Variants in B3GALNT2 observed in about 807,000 individuals in gnomAD.
The protein encoded by B3GALNT2 is beta-1,3-N-acetylgalactosaminyltransferase 2, also known as UDP-GalNAc:beta-1,3-N-acetylgalactosaminyltransferase 2.
In B3GALNT2, 53 loss-of-function variants were observed where a neutral mutation model predicts 61.1. That is an observed-to-expected ratio of 0.87 (90% CI 0.70 to 1.09). The LOEUF (loss-of-function observed/expected upper bound fraction) is 1.09, where lower values mean the gene tolerates loss of function less well. B3GALNT2 is among the 50% of genes least tolerant of loss of function. The probability of loss-of-function intolerance (pLI) is 0.00; values close to 1 mark genes in which losing one functional copy is unlikely to be tolerated. For missense variants in B3GALNT2, 544 were observed against 623.0 expected, an observed-to-expected ratio of 0.87 and a Z score of 1.35; for synonymous variants, 223 against 237.4, an observed-to-expected ratio of 0.94 and a Z score of 0.56.
chr1:235,463,782 T>C (rs1209709936), intron 7 of B3GALNT2: 1 of 152,110 alleles, frequency 6.6e-6, no homozygotes, highest in Non-Finnish European at 1.5e-5. Flanking sequence ...TTGGTCAGGC[T>C]GGTCTCGAAC....
Position 235,448,580 on chromosome 1 carries a change from C to A in B3GALNT2, c.*1626G>T. On this transcript the variant is annotated 3_prime_UTR_variant, in exon 12 of 12. Transcript: ENST00000366600. ...GTTTGATTTTAAGGGTAAGCTACTG[C>A]CTGGGGACGGGGTGGGGGAAGAGTA... 1 of 1,378,006 alleles carries A rather than the reference C, an allele frequency of 7.3e-7. No individual in the cohort carries two copies. The highest frequency in any genetic ancestry group is 1.2e-5 in the South Asian group (1 of 86,296). 85.4% of individuals were successfully genotyped at this position (1,378,006 alleles called of 1,614,324 possible).
intron 5 of B3GALNT2, among the ~76,000 whole-genome samples, chr1:235,472,646 C>G (rs1310232941): frequency 6.6e-6 from 1 of 152,174 alleles, no homozygotes; most frequent in Non-Finnish European, 1.5e-5. Context: ...ACATGACTGA[C>G]AACTCAAAAT....
chr1:235,450,063 G>T lies in B3GALNT2; in HGVS notation c.*143C>A. 1.1e-6 allele frequency: 1 copy of T among 940,774 alleles called. No individual in the cohort carries two copies. The allele number at this position is 940,774 out of a possible 1,614,324, so 58.3% of individuals were successfully genotyped here. On this transcript the variant is annotated 3_prime_UTR_variant, in exon 12 of 12. Transcript: ENST00000366600. Reference sequence around the variant, plus strand: ...ATTTGTGCAAACATTAAGAAACACCGCATTGGTTCTGGGTGAAAGTGCCAG... The same window carrying T: ...ATTTGTGCAAACATTAAGAAACACCTCATTGGTTCTGGGTGAAAGTGCCAG...
chr1:235,492,989 G>A (rs866098631), intron 2 of B3GALNT2, among the ~76,000 whole-genome samples: 1 of 152,122 alleles, frequency 6.6e-6, no homozygotes, highest in Admixed American at 6.5e-5. Context: ...TCAATGGAGG[G>A]GTATGAATAG....
intron 1 of B3GALNT2, among the ~76,000 whole-genome samples, chr1:235,503,548 C>G (rs1297140608): frequency 6.6e-6 from 1 of 152,226 alleles, no homozygotes; most frequent in South Asian, 2.1e-4. Flanking sequence ...GGAACAACTC[C>G]AACTCTCGGC....
At chr1:235,454,938 C>T (rs1683094702) in intron 9 of B3GALNT2, among the ~76,000 whole-genome samples, 1 of 152,128 alleles carries the variant, frequency 6.6e-6, no homozygotes, top group Non-Finnish European at 1.5e-5. Context: ...CCTGAGGAAG[C>T]ACAGAAAATG....
intron 7 of B3GALNT2, among the ~76,000 whole-genome samples, chr1:235,461,515 T>G (rs1027490424): frequency 3.0e-5 from 4 of 132,770 alleles, no homozygotes; most frequent in African/African-American, 1.1e-4. Context: ...CTGTTTTTTT[T>G]TTTTTTTTTT....
rs1288455773 is a variant in B3GALNT2, at chr1:235,474,973, ATATATATATATATATTTTTTTT to A, written c.652-4035_652-4014del. On this transcript the variant is annotated intron_variant, in intron 5 of 11. Transcript: ENST00000366600. The stretch of plus-strand genomic sequence containing the variant: ...GACATATATATATATATATATATAT[ATATATATATATATATTTTTTTT>A]TTTTTTTTTTTTTTTGAGACGGAGT... Among the ~76,000 whole-genome samples the A allele has an allele frequency of 7.4e-4, 22 of 29,770 alleles. 1 individual carries two copies. Among genetic ancestry groups the A allele is most frequent in the African/African-American group, 3.3e-3 (21 of 6,352 alleles). The allele number at this position is 29,770 out of a possible 152,430, so 19.5% of individuals were successfully genotyped here. A position where few individuals can be genotyped will look rare whatever the true frequency, so the allele number is the denominator to read the frequency against.
intron 3 of B3GALNT2, among the ~76,000 whole-genome samples, chr1:235,486,074 G>C (rs1003880438): frequency 5.1e-5 from 7 of 138,494 alleles, no homozygotes; most frequent in Non-Finnish European, 1.1e-4. Flanking sequence ...CTGGGCAACA[G>C]AGCAAGACCC....
intron 1 of B3GALNT2, among the ~76,000 whole-genome samples, chr1:235,497,085 A>G (rs1685362391): frequency 6.6e-6 from 1 of 152,058 alleles, no homozygotes; most frequent in Non-Finnish European, 1.5e-5. Flanking sequence ...TAACACATCA[A>G]TTTTTTTTAA....
intron 1 of B3GALNT2, 94 bp from the exon 2 acceptor site, chr1:235,494,922 T>C: frequency 1.6e-6 from 2 of 1,223,752 alleles, no homozygotes; most frequent in Admixed American, 3.1e-5. Flanking sequence ...TAAGCTTATG[T>C]TTGTAGGAAA....
At chr1:235,498,711 G>T (rs1025766621) in intron 1 of B3GALNT2, among the ~76,000 whole-genome samples, 1 of 151,822 alleles carries the variant, frequency 6.6e-6, no homozygotes, top group East Asian at 1.9e-4. Context: ...AGGTGTGGTG[G>T]TGCATGCCTG....
At chr1:235,490,194 A>C (rs1398025457) in intron 2 of B3GALNT2, among the ~76,000 whole-genome samples, 1 of 152,122 alleles carries the variant, frequency 6.6e-6, no homozygotes, top group Non-Finnish European at 1.5e-5. Context: ...TCATGGCTTC[A>C]AATAGCATGG....
Position 235,504,352 on chromosome 1 carries a change from C to T in B3GALNT2, c.-100G>A, listed in dbSNP as rs981605638. 10 of 1,321,032 alleles carry T rather than the reference C, an allele frequency of 7.6e-6. No homozygotes were observed. Among genetic ancestry groups the T allele is most frequent in the Non-Finnish European group, 1.0e-5 (10 of 1,002,210 alleles). The allele number at this position is 1,321,032 out of a possible 1,614,324, so 81.8% of individuals were successfully genotyped here. ...AGGGGCGGCGGCTGACGAGCGACCA[C>T]TCCGAGCACGCCCGCCCTCGCGCTC... On this transcript the variant is annotated 5_prime_UTR_variant, in exon 1 of 12. The change creates a new upstream start codon in the 5' untranslated region. Coordinates refer to ENST00000366600, the MANE Select transcript of B3GALNT2 (RefSeq NM_152490.5).
intron 1 of B3GALNT2, among the ~76,000 whole-genome samples, chr1:235,501,674 C>T (rs940195711): frequency 6.6e-6 from 1 of 151,944 alleles, no homozygotes; most frequent in Non-Finnish European, 1.5e-5. Flanking sequence ...TTTTAATATT[C>T]AGGGAAGGTA....
intron 5 of B3GALNT2, among the ~76,000 whole-genome samples, chr1:235,475,479 C>T (rs78283739): frequency 1.1e-4 from 16 of 152,130 alleles, no homozygotes; most frequent in South Asian, 4.1e-4. Flanking sequence ...GGAGGGAATA[C>T]GATGATGAAC....
At chr1:235,485,612 A>G (rs1684769160) in intron 3 of B3GALNT2, among the ~76,000 whole-genome samples, 1 of 152,202 alleles carries the variant, frequency 6.6e-6, no homozygotes, top group Admixed American at 6.5e-5. Flanking sequence ...TAAATTTTCT[A>G]ATTACCATAA....
intron 6 of B3GALNT2, among the ~76,000 whole-genome samples, chr1:235,466,238 T>TC (rs1683690752): frequency 6.6e-6 from 1 of 151,116 alleles, no homozygotes; most frequent in African/African-American, 2.4e-5. Context: ...TTCTTTTTTT[T>TC]TTTTTTTCAA....
chr1:235,449,012 C>T lies in B3GALNT2; in HGVS notation c.*1194G>A. On this transcript the variant is annotated 3_prime_UTR_variant, in exon 12 of 12. Transcript: ENST00000366600. ...TCATATTTATTTTTACAGCTCATCA[C>T]TGCATTTCATGATAAGATTTAAATA... 2.5e-6 allele frequency: 1 copy of T among 399,826 alleles called. No homozygotes were observed. The allele number at this position is 399,826 out of a possible 1,614,324, so 24.8% of individuals were successfully genotyped here. A position where few individuals can be genotyped will look rare whatever the true frequency, so the allele number is the denominator to read the frequency against.
Sources: allele counts gnomAD v4.1 joint callset (sites outside exome capture counted in the v4.1 genomes callset), GRCh38; gene constraint gnomAD v4.1.1; transcripts MANE v1.5; gene names NCBI Gene and HGNC (gene_info 2026-07-23, HGNC 2026-07-21).